The following FGF14 variants were observed in gnomAD, a reference collection of about 807,000 sequenced individuals.
FGF14 encodes fibroblast growth factor 14.
Under a neutral mutation model 25.5 loss-of-function variants are expected in FGF14, and 5 were observed. The observed-to-expected ratio is 0.20, with a 90% CI of 0.10 to 0.41. FGF14 has a LOEUF of 0.41. Among genes scored for constraint, FGF14 ranks in the 10% least tolerant of loss-of-function variants. The pLI is 1.00. For missense variants in FGF14, 222 were observed against 320.1 expected, an observed-to-expected ratio of 0.69 and a Z score of 2.34; for synonymous variants, 138 against 118.3, an observed-to-expected ratio of 1.17 and a Z score of -1.08.
At chr13:102,187,944 T>A (rs2048940460) in intron 1 of FGF14, among the ~76,000 whole-genome samples, 1 of 152,218 alleles carries the variant, frequency 6.6e-6, no homozygotes, top group Non-Finnish European at 1.5e-5. Flanking sequence ...ATAGTTATGG[T>A]CTGCATAAGG....
rs962391190 is a variant in FGF14 at position 102,256,073 on chromosome 13, G to C, written c.208+145398C>G. On this transcript the variant is annotated intron_variant, in intron 1 of 4. Transcript: ENST00000376131. ...TCAGTTTCTACTTGGGGACAGGTGAGGCACAGCAATTACTCAAACTCTAAA... is the reference window on the plus strand; with the variant it reads ...TCAGTTTCTACTTGGGGACAGGTGACGCACAGCAATTACTCAAACTCTAAA... Among the ~76,000 whole-genome samples, 5 of 152,224 alleles carry C rather than the reference G, an allele frequency of 3.3e-5. 1 individual carries two copies.
At chr13:102,004,050 A>T (rs2039651241) in intron 1 of FGF14, among the ~76,000 whole-genome samples, 1 of 152,170 alleles carries the variant, frequency 6.6e-6, no homozygotes, top group African/African-American at 2.4e-5. Flanking sequence ...AGTTGATTCA[A>T]GTGCTGCTGA....
intron 3 of FGF14, among the ~76,000 whole-genome samples, chr13:101,851,826 T>C (rs1594482806): frequency 1.3e-5 from 2 of 152,226 alleles, no homozygotes; most frequent in Non-Finnish European, 2.9e-5. Context: ...TTGCTGGTAT[T>C]TAAATAGTGA....
intron 1 of FGF14, among the ~76,000 whole-genome samples, chr13:102,172,065 C>T (rs765931279): frequency 2.6e-5 from 4 of 151,642 alleles, no homozygotes; most frequent in African/African-American, 9.7e-5. Context: ...CCTGAGCTCA[C>T]GTGATCCTCC....
chr13:101,964,577 T>C (rs2037069060), intron 1 of FGF14, among the ~76,000 whole-genome samples: 1 of 152,168 alleles, frequency 6.6e-6, no homozygotes, highest in Admixed American at 6.5e-5. Flanking sequence ...ATATAAGCCA[T>C]CATCCAGAGA....
intron 1 of FGF14, among the ~76,000 whole-genome samples, chr13:101,976,616 CA>C: frequency 6.6e-6 from 1 of 152,306 alleles, no homozygotes; most frequent in South Asian, 2.1e-4. Flanking sequence ...TAGTAGTCTG[CA>C]GTGTCTATCT....
At chr13:101,877,047 T>C (rs2045438631) in intron 1 of FGF14, among the ~76,000 whole-genome samples, 3 of 152,274 alleles carry the variant, frequency 2.0e-5, no homozygotes, top group South Asian at 4.1e-4. Flanking sequence ...AAAACTTTTA[T>C]GTTCTGACAT....
chr13:102,077,295 T>C (rs1264438385), intron 1 of FGF14, among the ~76,000 whole-genome samples: 1 of 151,778 alleles, frequency 6.6e-6, no homozygotes, highest in African/African-American at 2.4e-5. Flanking sequence ...AGAAGACAAA[T>C]GGGATTATAT....
chr13:101,779,183 T>C (rs189144730), intron 3 of FGF14: 5 of 152,350 alleles, frequency 3.3e-5, no homozygotes, highest in Admixed American at 6.5e-5. Flanking sequence ...CAAAGCACCA[T>C]GTTATCTGCC....
chr13:101,826,060 A>T (rs530113727), intron 3 of FGF14, among the ~76,000 whole-genome samples: 1 of 152,142 alleles, frequency 6.6e-6, no homozygotes, highest in African/African-American at 2.4e-5. Flanking sequence ...ATACAAATGC[A>T]TATCTGTGTA....
rs538844381 is a variant in FGF14, at chr13:102,343,609, TACAG to T, written c.208+57858_208+57861del. On this transcript the variant is annotated intron_variant, in intron 1 of 4. Coordinates refer to the FGF14 transcript ENST00000376131. ...AGAATGGATTAGAAGGGTGTGATAT[TACAG>T]ACAGTCATATGCGAGACTGTTGGCT... Among the ~76,000 whole-genome samples the T allele has an allele frequency of 1.0e-3, 152 of 152,322 alleles. 1 individual carries two copies. The highest frequency in any genetic ancestry group is 9.7e-3 in the South Asian group (47 of 4,828).
intron 3 of FGF14, among the ~76,000 whole-genome samples, chr13:101,865,081 G>T (rs991216455): frequency 6.6e-6 from 1 of 152,060 alleles, no homozygotes; most frequent in Non-Finnish European, 1.5e-5. Context: ...TCTCTTTTAC[G>T]TCCTTCTTTT....
intron 1 of FGF14, among the ~76,000 whole-genome samples, chr13:102,041,573 T>C (rs2041740805): frequency 8.0e-6 from 1 of 124,520 alleles, no homozygotes; most frequent in African/African-American, 3.8e-5. Flanking sequence ...AATTACTTTG[T>C]GTTTCCATGT....
intron 3 of FGF14, among the ~76,000 whole-genome samples, chr13:101,795,493 T>C (rs2040470497): frequency 6.6e-6 from 1 of 152,116 alleles, no homozygotes; most frequent in Non-Finnish European, 1.5e-5. Flanking sequence ...TGAGGTTTGC[T>C]GTCTCCTTAA....
intron 1 of FGF14, among the ~76,000 whole-genome samples, chr13:101,988,797 G>A (rs2038737104): frequency 6.6e-6 from 1 of 151,946 alleles, no homozygotes; most frequent in Admixed American, 6.6e-5. Flanking sequence ...CATGGCACAT[G>A]TATACATATG....
At chr13:102,178,774 A>G (rs2048548231) in intron 1 of FGF14, among the ~76,000 whole-genome samples, 1 of 152,110 alleles carries the variant, frequency 6.6e-6, no homozygotes. Context: ...TGTTGTGTAT[A>G]AATACATCTC....
chr13:102,370,826 T>C (rs1233256508), intron 1 of FGF14, among the ~76,000 whole-genome samples: 1 of 151,862 alleles, frequency 6.6e-6, no homozygotes, highest in Non-Finnish European at 1.5e-5. Flanking sequence ...TACTGTTTGT[T>C]AGGAGAGAAA....
At chr13:101,765,717 A>T (rs576886905) in intron 3 of FGF14, among the ~76,000 whole-genome samples, 159 of 140,330 alleles carry the variant, frequency 1.1e-3, no homozygotes, top group African/African-American at 4.1e-3. Context: ...TATTATTATT[A>T]TTTTATTTAT....
At chr13:102,055,409 T>C (rs1404659274) in intron 1 of FGF14, among the ~76,000 whole-genome samples, 1 of 152,234 alleles carries the variant, frequency 6.6e-6, no homozygotes, top group African/African-American at 2.4e-5. Flanking sequence ...TTCATAGTAC[T>C]TTGTTTGTTC....
Sources: allele counts gnomAD v4.1 joint callset (sites outside exome capture counted in the v4.1 genomes callset), GRCh38; gene constraint gnomAD v4.1.1; transcripts MANE v1.5; gene names NCBI Gene and HGNC (gene_info 2026-07-23, HGNC 2026-07-21).